Variants in AGBL1 observed in about 807,000 individuals in gnomAD.
AGBL1 encodes the protein AGBL carboxypeptidase 1.
A neutral mutation model predicts 118.9 loss-of-function variants in AGBL1; 130 were observed. That is an observed-to-expected ratio of 1.09 (90% CI 0.95 to 1.26). The LOEUF (loss-of-function observed/expected upper bound fraction) is 1.26, where lower values mean the gene tolerates loss of function less well. AGBL1 is among the 50% of genes most tolerant of loss of function. AGBL1 has a pLI of 0.00. For synonymous variants in AGBL1, 555 were observed against 478.9 expected (o/e 1.16, Z -2.08); for missense variants, 1,584 against 1,298.1 (o/e 1.22, Z -3.38).
At chr15:86,778,796 G>A (rs1424453388) in intron 22 of AGBL1, among the ~76,000 whole-genome samples, 2 of 152,162 alleles carry the variant, frequency 1.3e-5, no homozygotes, top group Non-Finnish European at 2.9e-5. Context: ...AGTTTACAAA[G>A]ATAATGGGAT....
At chr15:86,416,460 T>G (rs544693835) in intron 18 of AGBL1, among the ~76,000 whole-genome samples, 1 of 152,178 alleles carries the variant, frequency 6.6e-6, no homozygotes, top group South Asian at 2.1e-4. Flanking sequence ...TGCAGCACAT[T>G]AGTGCCTGTC....
intron 21 of AGBL1, among the ~76,000 whole-genome samples, chr15:86,622,412 C>A (rs905746351): frequency 6.6e-6 from 1 of 151,258 alleles, no homozygotes; most frequent in Non-Finnish European, 1.5e-5. Flanking sequence ...ATTTACTGAG[C>A]AACTACTAAG....
At chr15:86,205,523 G>A (rs2077977101) in intron 5 of AGBL1, among the ~76,000 whole-genome samples, 2 of 152,220 alleles carry the variant, frequency 1.3e-5, no homozygotes, top group African/African-American at 4.8e-5. Flanking sequence ...TTTGTAAGAA[G>A]CTGTCAAACT....
At chr15:86,985,499 A>T (rs1298832627) in intron 23 of AGBL1, among the ~76,000 whole-genome samples, 1 of 152,242 alleles carries the variant, frequency 6.6e-6, no homozygotes, top group East Asian at 1.9e-4. Context: ...GCTGCTAAGC[A>T]GCTTTTCATA....
chr15:86,217,844 AT>A (rs34911181), intron 5 of AGBL1, among the ~76,000 whole-genome samples: 33,528 of 151,934 alleles, frequency 0.22, 4,278 homozygotes, highest in East Asian at 0.38. Context: ...TCAGATTTGG[AT>A]TTTTTATCCA....
intron 22 of AGBL1, among the ~76,000 whole-genome samples, chr15:86,904,268 T>G (rs1456405206): frequency 6.6e-6 from 1 of 152,156 alleles, no homozygotes; most frequent in Non-Finnish European, 1.5e-5. Context: ...CAACTCCACC[T>G]GCTAGTCCTG....
At chr15:86,159,362 TC>T (rs1213045423) in intron 5 of AGBL1, among the ~76,000 whole-genome samples, 1 of 152,176 alleles carries the variant, frequency 6.6e-6, no homozygotes, top group African/African-American at 2.4e-5. Context: ...AACCTCATGT[TC>T]TTTTTGCCTG....
intron 18 of AGBL1, among the ~76,000 whole-genome samples, chr15:86,501,530 G>A (rs2082917131): frequency 6.6e-6 from 1 of 151,256 alleles, no homozygotes. Context: ...CCTAACCCAG[G>A]GTCACCAAGA....
chr15:86,329,365 G>A (rs373237621), intron 17 of AGBL1, among the ~76,000 whole-genome samples: 6 of 152,174 alleles, frequency 3.9e-5, no homozygotes, highest in Middle Eastern at 3.4e-3. Context: ...AGTATTTGGA[G>A]CACTTCCTCA....
At chr15:86,988,234 C>A in intron 24 of AGBL1, 1 of 910,502 alleles carries the variant, frequency 1.1e-6, no homozygotes, top group Non-Finnish European at 1.6e-6. Flanking sequence ...TTCAGCTTTG[C>A]AAGACAATGC....
intron 22 of AGBL1, among the ~76,000 whole-genome samples, chr15:86,693,260 C>T (rs1226576648): frequency 1.3e-5 from 2 of 151,998 alleles, no homozygotes; most frequent in Non-Finnish European, 2.9e-5. Context: ...ACTGCATCCA[C>T]ACCGACATCT....
intron 23 of AGBL1, among the ~76,000 whole-genome samples, chr15:86,983,833 A>G (rs989025857): frequency 6.6e-6 from 1 of 152,190 alleles, no homozygotes; most frequent in Non-Finnish European, 1.5e-5. Context: ...TTTGTGCAAT[A>G]TAGTGCTTTG....
intron 22 of AGBL1, among the ~76,000 whole-genome samples, chr15:86,748,881 G>T (rs1229461471): frequency 6.6e-6 from 1 of 151,856 alleles, no homozygotes; most frequent in African/African-American, 2.4e-5. Flanking sequence ...CTCTGTTTTG[G>T]TACCAGTTCC....
At chr15:86,347,457 C>G (rs532260411) in intron 17 of AGBL1, among the ~76,000 whole-genome samples, 1 of 152,184 alleles carries the variant, frequency 6.6e-6, no homozygotes, top group Non-Finnish European at 1.5e-5. Context: ...GAGTCATTGG[C>G]AAGCTTTGTT....
At chr15:86,556,251 A>C in intron 21 of AGBL1, 2 of 1,613,502 alleles carry the variant, frequency 1.2e-6, no homozygotes, top group Admixed American at 1.7e-5. Context: ...GAGAGGACAA[A>C]GAATGAAAGG....
chr15:86,113,424 A>G, intron 1 of AGBL1, among the ~76,000 whole-genome samples: 1 of 150,990 alleles, frequency 6.6e-6, no homozygotes, highest in Non-Finnish European at 1.5e-5. Context: ...AGTAGCTAGG[A>G]TTACAGGTGC....
chr15:86,939,634 T>C (rs1198376547), intron 23 of AGBL1: 1 of 152,234 alleles, frequency 6.6e-6, no homozygotes, highest in South Asian at 2.1e-4. Context: ...AGAATCCTAA[T>C]ACAGCCTAAT....
At chr15:86,494,564 C>A (rs775301687) in intron 18 of AGBL1, among the ~76,000 whole-genome samples, 6 of 152,068 alleles carry the variant, frequency 3.9e-5, no homozygotes, top group African/African-American at 1.2e-4. Flanking sequence ...CCTCAGTCAA[C>A]CTAATCTTGA....
intron 23 of AGBL1, among the ~76,000 whole-genome samples, chr15:86,981,021 C>T (rs151161611): frequency 1.5e-4 from 23 of 151,326 alleles, no homozygotes; most frequent in Non-Finnish European, 2.5e-4. Flanking sequence ...TGAGTAGCTG[C>T]GACTACAGGC....
Sources: gnomAD v4.1 joint callset for allele counts (sites outside exome capture counted in the v4.1 genomes callset) on GRCh38, gnomAD v4.1.1 for gene constraint, MANE v1.5 for transcripts, NCBI Gene and HGNC (gene_info 2026-07-23, HGNC 2026-07-21) for gene names.